The following DMXL2 variants were observed in gnomAD, a reference collection of about 807,000 sequenced individuals.
The protein encoded by DMXL2 is dmX-like protein 2.
DMXL2 carries 103 observed loss-of-function variants against 331.1 expected under a neutral mutation model. That is an observed-to-expected ratio of 0.31 (90% CI 0.27 to 0.37). DMXL2 has a LOEUF of 0.37. Among genes scored for constraint, DMXL2 ranks in the 10% least tolerant of loss-of-function variants. The probability of loss-of-function intolerance (pLI) is 1.00; values close to 1 mark genes in which losing one functional copy is unlikely to be tolerated. For synonymous variants in DMXL2, 1,281 were observed against 1,252.1 expected (o/e 1.02, Z -0.49); for missense variants, 3,171 against 3,642.9 (o/e 0.87, Z 3.33).
chr15:51,450,043 AAG>A, intron 43 of DMXL2, 84 bp downstream of exon 43: 19 of 1,224,966 alleles, frequency 1.6e-5, no homozygotes, highest in Non-Finnish European at 1.7e-5. Context: ...AAATAAAGTG[AAG>A]CTTTATTTCA....
chr15:51,458,418 C>A, intron 36 of DMXL2, 88 bp downstream of exon 36: 1 of 1,415,554 alleles, frequency 7.1e-7, no homozygotes, highest in Admixed American at 2.0e-5. Flanking sequence ...TACACGTATA[C>A]CTTTTGAAAT....
intron 36 of DMXL2, chr15:51,457,895 G>C (rs1301046031): frequency 6.4e-6 from 1 of 156,906 alleles, no homozygotes; most frequent in East Asian, 1.9e-4. Context: ...TCTGAAATGT[G>C]ATATTAAATC....
intron 13 of DMXL2, among the ~76,000 whole-genome samples, chr15:51,519,605 C>A (rs2047226804): frequency 7.4e-6 from 1 of 135,456 alleles, no homozygotes; most frequent in African/African-American, 2.7e-5. Flanking sequence ...AAATCTCCTT[C>A]TTTGCTTCTC....
intron 6 of DMXL2, among the ~76,000 whole-genome samples, chr15:51,556,681 A>T (rs1806079908): frequency 6.6e-6 from 1 of 152,034 alleles, no homozygotes; most frequent in South Asian, 2.1e-4. Context: ...CTGAAATGGG[A>T]GAAATACTTG....
intron 6 of DMXL2, among the ~76,000 whole-genome samples, chr15:51,554,046 T>C (rs1230112315): frequency 6.6e-6 from 1 of 152,182 alleles, no homozygotes; most frequent in Non-Finnish European, 1.5e-5. Flanking sequence ...CATAGTGCCA[T>C]TAACGATATT....
intron 13 of DMXL2, among the ~76,000 whole-genome samples, chr15:51,522,355 A>G (rs901085669): frequency 1.2e-4 from 18 of 152,194 alleles, no homozygotes; most frequent in Non-Finnish European, 1.2e-4. Context: ...AATCTAAACC[A>G]AACTTAGGGG....
intron 1 of DMXL2, among the ~76,000 whole-genome samples, chr15:51,597,983 T>C (rs557253161): frequency 7.2e-5 from 11 of 152,344 alleles, no homozygotes; most frequent in Non-Finnish European, 1.2e-4. Flanking sequence ...TGTTATCATT[T>C]TCTTATTTGT....
chr15:51,525,429 G>GA (rs1017139729), intron 13 of DMXL2, among the ~76,000 whole-genome samples: 1 of 152,076 alleles, frequency 6.6e-6, no homozygotes, highest in Non-Finnish European at 1.5e-5. Context: ...AAAGTAAAGG[G>GA]AACTTTATCT....
intron 29 of DMXL2, among the ~76,000 whole-genome samples, chr15:51,470,268 T>C (rs2040978124): frequency 6.6e-6 from 1 of 152,090 alleles, no homozygotes; most frequent in Non-Finnish European, 1.5e-5. Flanking sequence ...TTCAAGCAGC[T>C]AGAACTACAG....
chr15:51,525,951 C>T (rs752281440), intron 13 of DMXL2, among the ~76,000 whole-genome samples: 3 of 151,854 alleles, frequency 2.0e-5, no homozygotes, highest in Non-Finnish European at 4.4e-5. Context: ...TTTGAGAGAA[C>T]ATAGGTGGTA....
chr15:51,525,316 C>T (rs114425946), intron 13 of DMXL2, among the ~76,000 whole-genome samples: 2,874 of 152,108 alleles, frequency 0.019, 92 homozygotes, highest in African/African-American at 0.065. Flanking sequence ...TCGGCACATT[C>T]CCAGCTATGG....
At chr15:51,507,529 A>C (rs1290763752) in intron 15 of DMXL2, among the ~76,000 whole-genome samples, 1 of 152,240 alleles carries the variant, frequency 6.6e-6, no homozygotes, top group Non-Finnish European at 1.5e-5. Flanking sequence ...AAAACTGAAT[A>C]CAATTTGTTA....
At chr15:51,612,602 A>C (rs999336023) in intron 1 of DMXL2, among the ~76,000 whole-genome samples, 6 of 152,178 alleles carry the variant, frequency 3.9e-5, no homozygotes, top group Non-Finnish European at 5.9e-5. Context: ...GAGTGTACGA[A>C]TAGGGTGTGG....
intron 33 of DMXL2, among the ~76,000 whole-genome samples, chr15:51,460,771 C>T (rs867547018): frequency 2.0e-5 from 3 of 152,242 alleles, no homozygotes; most frequent in African/African-American, 7.2e-5. Flanking sequence ...CTGAGCCTAA[C>T]GACGAGTTTT....
At chr15:51,469,495 A>T (rs1466862999) in intron 29 of DMXL2, among the ~76,000 whole-genome samples, 1 of 152,204 alleles carries the variant, frequency 6.6e-6, no homozygotes, top group African/African-American at 2.4e-5. Flanking sequence ...TACTGATCCA[A>T]TTATACATTT....
chr15:51,555,791 T>C (rs1403180691), intron 6 of DMXL2, among the ~76,000 whole-genome samples: 1 of 151,992 alleles, frequency 6.6e-6, no homozygotes, highest in Non-Finnish European at 1.5e-5. Context: ...TTACCAAAAC[T>C]GACATACAAA....
At chr15:51,536,055 A>C in intron 12 of DMXL2, 111 bp downstream of exon 12, 3 of 1,058,844 alleles carry the variant, frequency 2.8e-6, no homozygotes, top group Non-Finnish European at 3.9e-6. Flanking sequence ...ACCTTAATGA[A>C]AACTGAATAC....
intron 6 of DMXL2, among the ~76,000 whole-genome samples, chr15:51,552,657 C>A (rs2049294141): frequency 6.6e-6 from 1 of 152,146 alleles, no homozygotes; most frequent in East Asian, 1.9e-4. Context: ...TCCTTCCCAG[C>A]ATCCTTTGTA....
intron 9 of DMXL2, among the ~76,000 whole-genome samples, chr15:51,541,621 G>C (rs2048601415): frequency 6.6e-6 from 1 of 151,992 alleles, no homozygotes; most frequent in African/African-American, 2.4e-5. Flanking sequence ...AAAAATAAAA[G>C]CCCCTTCACT....
Sources: gnomAD v4.1 joint callset for allele counts (sites outside exome capture counted in the v4.1 genomes callset) on GRCh38, gnomAD v4.1.1 for gene constraint, MANE v1.5 for transcripts, NCBI Gene and HGNC (gene_info 2026-07-23, HGNC 2026-07-21) for gene names.